TIMD4: variants seen among roughly 807,000 people sequenced by gnomAD.
TIMD4 encodes T-cell immunoglobulin and mucin domain-containing protein 4.
Under a neutral mutation model 41.2 loss-of-function variants are expected in TIMD4, and 31 were observed. The observed-to-expected ratio is 0.75, with a 90% CI of 0.57 to 1.01. TIMD4 has a LOEUF of 1.01. TIMD4 is among the 50% of genes least tolerant of loss of function. TIMD4 has a pLI of 0.00. For synonymous variants in TIMD4, 204 were observed against 177.1 expected (o/e 1.15, Z -1.21); for missense variants, 479 against 472.5 (o/e 1.01, Z -0.13).
chr5:156,922,371 C>T (rs1462450074), intron 6 of TIMD4, among the ~76,000 whole-genome samples, 155 bp from the exon 7 acceptor site: 2 of 152,176 alleles, frequency 1.3e-5, no homozygotes, highest in Non-Finnish European at 2.9e-5. Flanking sequence ...AAACACGTGA[C>T]CCATATCCCA....
intron 5 of TIMD4, among the ~76,000 whole-genome samples, chr5:156,946,421 C>T (rs781234821): frequency 9.2e-5 from 14 of 152,168 alleles, no homozygotes; most frequent in Non-Finnish European, 1.9e-4. Context: ...TACAGTCTTA[C>T]TTCAAAACCT....
chr5:156,958,802 G>T (rs1342308757), intron 1 of TIMD4, among the ~76,000 whole-genome samples: 1 of 152,150 alleles, frequency 6.6e-6, no homozygotes, highest in Non-Finnish European at 1.5e-5. Context: ...ATGTATATAT[G>T]GGGAATGGCT....
At chr5:156,958,555 G>GGACTTAGGAAAT (rs1224189177) in intron 1 of TIMD4, among the ~76,000 whole-genome samples, 1 of 152,070 alleles carries the variant, frequency 6.6e-6, no homozygotes, top group Non-Finnish European at 1.5e-5. Context: ...TTGTGGGAAG[G>GGACTTAGGAAAT]GACTTAGGAA....
intron 5 of TIMD4, among the ~76,000 whole-genome samples, chr5:156,926,517 T>C (rs1316484078): frequency 4.6e-5 from 7 of 152,250 alleles, no homozygotes; most frequent in Admixed American, 4.6e-4. Context: ...ACGTTATCCC[T>C]GGGAACATCA....
chr5:156,934,517 C>T (rs1759504495), intron 5 of TIMD4, among the ~76,000 whole-genome samples: 1 of 152,060 alleles, frequency 6.6e-6, no homozygotes, highest in Non-Finnish European at 1.5e-5. Flanking sequence ...GTCTCAAACT[C>T]CTGGGCTCAA....
intron 3 of TIMD4, among the ~76,000 whole-genome samples, chr5:156,950,275 T>C (rs77228330): frequency 0.013 from 1,922 of 152,350 alleles, 23 homozygotes; most frequent in Non-Finnish European, 0.02. Context: ...GGTATTTTTA[T>C]GGCTGTCTTT....
At chr5:156,950,661 G>A (rs772650944) in intron 3 of TIMD4, among the ~76,000 whole-genome samples, 1 of 152,168 alleles carries the variant, frequency 6.6e-6, no homozygotes, top group Non-Finnish European at 1.5e-5. Flanking sequence ...CACTCAGTGA[G>A]AGGTACAAGT....
intron 6 of TIMD4, among the ~76,000 whole-genome samples, chr5:156,923,580 C>T (rs6885122): frequency 0.29 from 43,848 of 151,744 alleles, 6,694 homozygotes; most frequent in African/African-American, 0.38. Flanking sequence ...TGCTCTTGCC[C>T]AGGCTGGAGT....
intron 5 of TIMD4, among the ~76,000 whole-genome samples, chr5:156,927,327 C>T (rs1331963954): frequency 2.0e-5 from 3 of 152,134 alleles, no homozygotes; most frequent in African/African-American, 7.2e-5. Flanking sequence ...ATGGTGGCAA[C>T]GGTGTTTCAG....
rs756334393 is a variant in TIMD4 at position 156,949,717 on chromosome 5, G to C, written c.694C>G (p.Leu232Val). ...PILTAESETV[L>V]PSDSWSSVES... is the part of the protein sequence containing the mutation. The stretch of plus-strand genomic sequence containing the variant: ...ACACTACTCCAGGAATCACTGGGGA[G>C]GACAGTTTCTGATTCTGGAAGAGAA... The change falls in exon 4 of 9, where the codon CTC becomes GTC. Residue 232 changes from leucine (L) to valine (V), a missense_variant. Leu to Val is a conservative substitution (Grantham distance 32, BLOSUM62 1). Transcript: ENST00000274532. The C allele has an allele frequency of 6.2e-7, 1 of 1,612,876 alleles. No homozygotes were observed. Among genetic ancestry groups the C allele is most frequent in the South Asian group, 1.1e-5 (1 of 91,016 alleles).
intron 5 of TIMD4, among the ~76,000 whole-genome samples, chr5:156,934,095 A>T (rs1759495429): frequency 6.6e-6 from 1 of 152,212 alleles, no homozygotes; most frequent in African/African-American, 2.4e-5. Flanking sequence ...TTAGACAAGA[A>T]GATCTTTTAA....
In TIMD4 at chr5:156,954,719, C is replaced by T. The variant is rs78049795; in HGVS notation, c.96G>A (p.Leu32=). 32 of 1,613,392 alleles carry T rather than the reference C, an allele frequency of 2.0e-5. 1 individual carries two copies. The Admixed American group carries it at 4.2e-4, about 21-fold the overall frequency. Residue 32 remains leucine (L), a synonymous_variant, in exon 2 of 9, where the codon TTG becomes TTA. Transcript: ENST00000274532. The part of the protein sequence containing the change: ...VTSETVVTEV[L]GHRVTLPCLY... ...GACAGGGCAAAGTCACCCGGTGACC[C>T]AAAACCTCCGTCACAACAGTCTCTG...
intron 5 of TIMD4, among the ~76,000 whole-genome samples, chr5:156,946,863 T>C (rs1759753955): frequency 6.6e-6 from 1 of 151,792 alleles, no homozygotes; most frequent in Non-Finnish European, 1.5e-5. Context: ...CTAATAAACA[T>C]ATAGAAAGGA....
intron 5 of TIMD4, among the ~76,000 whole-genome samples, chr5:156,931,841 G>GCATAGCCAGTATTGCATATGAGTAT (rs1561546104): frequency 2.0e-5 from 3 of 151,958 alleles, no homozygotes; most frequent in South Asian, 2.1e-4. Context: ...ATGCGACCTT[G>GCATAGCCAGTATTGCATATGAGTAT]GCTAAGATAC....
In TIMD4 at chr5:156,922,984, T is replaced by A. The variant is rs75418262; in HGVS notation, c.895-768A>T. On this transcript the variant is annotated intron_variant, in intron 6 of 8. Coordinates refer to ENST00000274532, the MANE Select transcript of TIMD4 (RefSeq NM_138379.3). The stretch of plus-strand genomic sequence containing the variant: ...TTATTTTTAAATAAATTGATTTTTT[T>A]AAATGTTTTAAATACAGATACCTGT... Among the ~76,000 whole-genome samples, 188 of 152,328 alleles carry A rather than the reference T, an allele frequency of 1.2e-3. 3 individuals are homozygous for A. The East Asian group carries it at 0.026, about 21-fold the overall frequency.
intron 5 of TIMD4, among the ~76,000 whole-genome samples, chr5:156,929,412 T>C (rs1241871902): frequency 6.6e-6 from 1 of 152,188 alleles, no homozygotes; most frequent in Non-Finnish European, 1.5e-5. Context: ...CCTCAGACTG[T>C]GACATTGTTT....
At chr5:156,959,692 C>T (rs112262995) in intron 1 of TIMD4, among the ~76,000 whole-genome samples, 2 of 152,268 alleles carry the variant, frequency 1.3e-5, no homozygotes, top group African/African-American at 4.8e-5. Flanking sequence ...ACATCCAGCT[C>T]TGATCCTTGG....
rs1170844335 is a variant in TIMD4 at position 156,963,119 on chromosome 5, TAGA to T, written c.58+19_58+21del. ...AGCAAGTCCTCTGGAAACTTCTACATAGAAGGTTTCAGAACACTTACTCAGGTA... is the reference window on the plus strand; with the variant it reads ...AGCAAGTCCTCTGGAAACTTCTACATAGGTTTCAGAACACTTACTCAGGTA... On this transcript the variant is annotated intron_variant, in intron 1 of 8. Coordinates refer to ENST00000274532, the MANE Select transcript of TIMD4 (RefSeq NM_138379.3). The T allele has an allele frequency of 2.5e-6, 4 of 1,612,740 alleles. No homozygotes were observed. Among genetic ancestry groups the T allele is most frequent in the Non-Finnish European group, 3.4e-6 (4 of 1,178,928 alleles).
rs1043656712 is a variant in TIMD4, at chr5:156,947,288, T to C, written c.844+1128A>G. Among the ~76,000 whole-genome samples, 28 of 152,186 alleles carry C rather than the reference T, an allele frequency of 1.8e-4. 1 individual carries two copies. Among genetic ancestry groups the C allele is most frequent in the Non-Finnish European group, 4.0e-4 (27 of 68,036 alleles). On this transcript the variant is annotated intron_variant, in intron 5 of 8. Coordinates refer to ENST00000274532, the MANE Select transcript of TIMD4 (RefSeq NM_138379.3). ...ATTGAAAAAGTTAAACAAACAGTCA[T>C]ATCAAGTGTAGGGAGAATATGGGAA...
Sources: allele counts gnomAD v4.1 joint callset (sites outside exome capture counted in the v4.1 genomes callset), GRCh38; gene constraint gnomAD v4.1.1; transcripts MANE v1.5; gene names NCBI Gene and HGNC (gene_info 2026-07-23, HGNC 2026-07-21).